CDKAL1: variants seen among roughly 807,000 people sequenced by gnomAD.
CDKAL1 encodes threonylcarbamoyladenosine tRNA methylthiotransferase.
CDKAL1 carries 32 observed loss-of-function variants against 68.2 expected under a neutral mutation model. The observed-to-expected ratio is 0.47, with a 90% CI of 0.35 to 0.63. The LOEUF (loss-of-function observed/expected upper bound fraction) is 0.63, where lower values mean the gene tolerates loss of function less well. CDKAL1 is among the 30% of genes least tolerant of loss of function. CDKAL1 has a pLI of 0.00. For missense variants in CDKAL1, 606 were observed against 696.7 expected, an observed-to-expected ratio of 0.87 and a Z score of 1.47; for synonymous variants, 234 against 244.3, an observed-to-expected ratio of 0.96 and a Z score of 0.39.
intron 13 of CDKAL1, among the ~76,000 whole-genome samples, chr6:21,157,344 C>T (rs548816737): frequency 6.6e-6 from 1 of 152,250 alleles, no homozygotes; most frequent in Admixed American, 6.5e-5. Flanking sequence ...TGTATATATG[C>T]CTGTAATCCC....
intron 5 of CDKAL1, among the ~76,000 whole-genome samples, chr6:20,721,783 A>G (rs139160826): frequency 0.011 from 1,340 of 126,652 alleles, 16 homozygotes; most frequent in African/African-American, 0.039. Flanking sequence ...CCCAGGCTAG[A>G]GTGCAATGGC....
At position 20,560,579 on chromosome 6, in the gene CDKAL1, A is replaced by G. The variant is rs550671122; in HGVS notation, c.286+11874A>G. ...ATACTCACTAAAAACTAACCTTTGC[A>G]TAGTATGCAACTTGTATAGCTTATT... is the stretch of plus-strand genomic sequence containing the variant. On this transcript the variant is annotated intron_variant, in intron 4 of 15. Transcript: ENST00000274695. Among the ~76,000 whole-genome samples the G allele has an allele frequency of 5.3e-5, 8 of 152,350 alleles. No homozygotes were observed. The South Asian group carries it at 1.2e-3, about 24-fold the overall frequency.
intron 13 of CDKAL1, among the ~76,000 whole-genome samples, chr6:21,162,588 A>G (rs1246055649): frequency 6.6e-6 from 1 of 152,174 alleles, no homozygotes; most frequent in Non-Finnish European, 1.5e-5. Context: ...TCAGCATCAC[A>G]TATGTAACTT....
intron 5 of CDKAL1, among the ~76,000 whole-genome samples, chr6:20,656,058 A>G (rs576894444): frequency 2.6e-5 from 4 of 152,110 alleles, no homozygotes; most frequent in East Asian, 1.9e-4. Flanking sequence ...CCTGTTTTAT[A>G]GGTGAAGCAG....
At chr6:21,220,634 A>G (rs1779507166) in intron 15 of CDKAL1, among the ~76,000 whole-genome samples, 1 of 152,220 alleles carries the variant, frequency 6.6e-6, no homozygotes, top group African/African-American at 2.4e-5. Flanking sequence ...GTAACAAGCC[A>G]AAAATTAGGA....
chr6:21,124,044 A>T (rs1167986358), intron 13 of CDKAL1, among the ~76,000 whole-genome samples: 1 of 152,242 alleles, frequency 6.6e-6, no homozygotes, highest in Non-Finnish European at 1.5e-5. Flanking sequence ...CAGTTGTAAC[A>T]TGCACATGTT....
chr6:21,046,782 G>T (rs1770258482), intron 11 of CDKAL1, among the ~76,000 whole-genome samples: 2 of 152,248 alleles, frequency 1.3e-5, no homozygotes, highest in Non-Finnish European at 2.9e-5. Flanking sequence ...CCCCATAGAT[G>T]CTGACAGTTG....
intron 9 of CDKAL1, among the ~76,000 whole-genome samples, chr6:20,856,042 A>G (rs1016555419): frequency 1.3e-5 from 2 of 152,224 alleles, no homozygotes; most frequent in African/African-American, 4.8e-5. Context: ...AAATAAGCAA[A>G]TAATGAAGTT....
chr6:21,050,472 T>A (rs762401035), intron 11 of CDKAL1, among the ~76,000 whole-genome samples: 1 of 152,326 alleles, frequency 6.6e-6, no homozygotes, highest in South Asian at 2.1e-4. Context: ...GAGAAGTTTA[T>A]TGAGCAGTGA....
At position 21,179,369 on chromosome 6, in the gene CDKAL1, C is replaced by T. The variant is rs556312774; in HGVS notation, c.1300-18652C>T. ...TTATCAGTCTAGGGCCTTATTTAACCTCAAGACTAATACTCAACAAAGCCA... is the reference window on the plus strand; with the variant it reads ...TTATCAGTCTAGGGCCTTATTTAACTTCAAGACTAATACTCAACAAAGCCA... On this transcript the variant is annotated intron_variant, in intron 13 of 15. Coordinates refer to ENST00000274695, the MANE Select transcript of CDKAL1 (RefSeq NM_017774.3). Among the ~76,000 whole-genome samples the T allele has an allele frequency of 2.0e-5, 3 of 152,260 alleles. No homozygotes were observed. In the South Asian group the frequency reaches 6.2e-4, roughly 32 times the overall value.
intron 15 of CDKAL1, among the ~76,000 whole-genome samples, chr6:21,207,610 G>T (rs1263198831): frequency 6.6e-6 from 1 of 152,162 alleles, no homozygotes; most frequent in Non-Finnish European, 1.5e-5. Context: ...ACCCAGGTTT[G>T]AATCTTGATT....
intron 9 of CDKAL1, among the ~76,000 whole-genome samples, chr6:20,897,403 C>A (rs1217431277): frequency 1.3e-5 from 2 of 151,944 alleles, no homozygotes; most frequent in African/African-American, 4.8e-5. Flanking sequence ...TGCCAAGCCC[C>A]TTATAGCAGA....
chr6:20,737,498 A>G (rs775434110), intron 5 of CDKAL1, among the ~76,000 whole-genome samples: 8 of 152,220 alleles, frequency 5.3e-5, no homozygotes, highest in Non-Finnish European at 1.0e-4. Flanking sequence ...ATTATTAGTC[A>G]TCTCAATGTC....
chr6:20,735,717 C>T (rs1226554806), intron 5 of CDKAL1, among the ~76,000 whole-genome samples: 4 of 152,146 alleles, frequency 2.6e-5, no homozygotes, highest in Admixed American at 2.6e-4. Flanking sequence ...AACATTGTCC[C>T]TGAGTTGTTA....
At chr6:20,731,789 T>C (rs1208018079) in intron 5 of CDKAL1, among the ~76,000 whole-genome samples, 1 of 152,192 alleles carries the variant, frequency 6.6e-6, no homozygotes, top group Non-Finnish European at 1.5e-5. Flanking sequence ...TTCAGGAATT[T>C]GATTTTTTAG....
intron 9 of CDKAL1, among the ~76,000 whole-genome samples, chr6:20,952,313 GT>G (rs1438032983): frequency 1.8e-4 from 27 of 152,138 alleles, no homozygotes; most frequent in South Asian, 8.3e-4. Flanking sequence ...CAAATTCCAA[GT>G]TATAGTGCAG....
intron 5 of CDKAL1, among the ~76,000 whole-genome samples, chr6:20,679,441 T>C (rs565402011): frequency 6.6e-6 from 1 of 152,372 alleles, no homozygotes; most frequent in African/African-American, 2.4e-5. Context: ...CATCTTTGGC[T>C]TTTGACAATT....
At chr6:20,951,399 T>G (rs1179124216) in intron 9 of CDKAL1, among the ~76,000 whole-genome samples, 1 of 152,228 alleles carries the variant, frequency 6.6e-6, no homozygotes, top group Non-Finnish European at 1.5e-5. Flanking sequence ...GAGACTATTT[T>G]ATTGAGGATA....
At chr6:21,002,087 T>C (rs1582002895) in intron 11 of CDKAL1, among the ~76,000 whole-genome samples, 3 of 152,306 alleles carry the variant, frequency 2.0e-5, no homozygotes, top group African/African-American at 7.2e-5. Flanking sequence ...CAAGTTACGT[T>C]GTTCTGGAGG....
Sources: gnomAD v4.1 joint callset for allele counts (sites outside exome capture counted in the v4.1 genomes callset) on GRCh38, gnomAD v4.1.1 for gene constraint, MANE v1.5 for transcripts, NCBI Gene and HGNC (gene_info 2026-07-23, HGNC 2026-07-21) for gene names.